Variants in WDR82 observed in about 807,000 individuals in gnomAD.
WDR82 encodes WD repeat domain 82, also known as WD repeat-containing protein 82.
In WDR82, 8 loss-of-function variants were observed where a neutral mutation model predicts 36.1. That is an observed-to-expected ratio of 0.22 (90% CI 0.13 to 0.40). The LOEUF is 0.40. WDR82 is among the 10% of genes least tolerant of loss of function. The pLI is 1.00. For missense variants in WDR82, 185 were observed against 400.5 expected, an observed-to-expected ratio of 0.46 and a Z score of 4.59; for synonymous variants, 129 against 137.8, an observed-to-expected ratio of 0.94 and a Z score of 0.45.
chr3:52,276,929 C>T (rs1218762887), intron 1 of WDR82, among the ~76,000 whole-genome samples: 2 of 151,520 alleles, frequency 1.3e-5, no homozygotes, highest in Non-Finnish European at 2.9e-5. Context: ...ACCATTATAG[C>T]TCAGTCCAAA....
At chr3:52,267,471 T>G (rs1370841861) in intron 2 of WDR82, 2 of 162,852 alleles carry the variant, frequency 1.2e-5, no homozygotes, top group Non-Finnish European at 2.7e-5. Flanking sequence ...GAAGATCAGG[T>G]TGAACCCTGG....
In WDR82 at chr3:52,260,444, A is replaced by G; in HGVS notation, c.484T>C (p.Phe162Leu). 6.3e-7 allele frequency: 1 copy of G among 1,594,672 alleles called. No homozygotes were observed. Among genetic ancestry groups the G allele is most frequent in the Non-Finnish European group, 8.5e-7 (1 of 1,173,380 alleles). The change falls in exon 5 of 9, where the codon TTC (phenylalanine) becomes CTC (leucine). Residue 162 changes from phenylalanine to leucine, a missense_variant. Coordinates refer to ENST00000296490, the MANE Select transcript of WDR82 (RefSeq NM_025222.4). Reference sequence around the variant, plus strand: ...ATTTCAGAGTTGACACCTGCAGCGAAAATTAACCCTTCTGGATCAAAAGAA... The same window carrying G: ...ATTTCAGAGTTGACACCTGCAGCGAGAATTAACCCTTCTGGATCAAAAGAA... Reference protein sequence around the residue: ...VCSFDPEGLIFAAGVNSEMVK... With the variant: ...VCSFDPEGLILAAGVNSEMVK...
At position 52,259,772 on chromosome 3, in the gene WDR82, C is replaced by G; in HGVS notation, c.644G>C (p.Gly215Ala). 6.2e-7 allele frequency: 1 copy of G among 1,614,036 alleles called. No individual in the cohort carries two copies. Among genetic ancestry groups the G allele is most frequent in the Admixed American group, 1.7e-5 (1 of 60,006 alleles). ...DGKLILISTN[G>A]SFIRLIDAFK... Reference sequence around the variant, plus strand: ...TGCATCAATCAGACGAATGAAGCTGCCGTTGGTGGAAATGAGGATGAGCTT... The same window carrying G: ...TGCATCAATCAGACGAATGAAGCTGGCGTTGGTGGAAATGAGGATGAGCTT... The change falls in exon 6 of 9, where the codon GGC becomes GCC. Residue 215 changes from glycine (G) to alanine (A), a missense_variant. Gly to Ala is a moderately conservative substitution (Grantham distance 60, BLOSUM62 0). Around this residue, in one of 3 missense-constraint regions of WDR82, gnomAD observed 110 missense variants for 212.6 expected, o/e 0.52. Coordinates refer to ENST00000296490, the MANE Select transcript of WDR82 (RefSeq NM_025222.4).
intron 6 of WDR82, 85 bp downstream of exon 6, chr3:52,259,632 T>C (rs967233139): frequency 4.0e-6 from 6 of 1,482,914 alleles, no homozygotes; most frequent in Non-Finnish European, 4.5e-6. Context: ...AGAGTAACTG[T>C]TGGTCTCCAC....
At chr3:52,276,663 G>T (rs1578013165) in intron 1 of WDR82, among the ~76,000 whole-genome samples, 1 of 151,944 alleles carries the variant, frequency 6.6e-6, no homozygotes. Flanking sequence ...ACTCCTCCAG[G>T]ACCCCACAAT....
At chr3:52,276,387 C>T (rs531535953) in intron 1 of WDR82, among the ~76,000 whole-genome samples, 2 of 151,664 alleles carry the variant, frequency 1.3e-5, no homozygotes, top group African/African-American at 4.8e-5. Context: ...GCCAAGATCG[C>T]GCCACTACAC....
chr3:52,277,065 AAATAATAAT>A (rs71084177), intron 1 of WDR82, among the ~76,000 whole-genome samples: 6,916 of 141,002 alleles, frequency 0.049, 214 homozygotes, highest in African/African-American at 0.061. Flanking sequence ...CCAAGATCTC[AAATAATAAT>A]AATAATAATA....
chr3:52,268,572 T>C (rs1370314340), intron 2 of WDR82, among the ~76,000 whole-genome samples: 1 of 152,190 alleles, frequency 6.6e-6, no homozygotes, highest in African/African-American at 2.4e-5. Flanking sequence ...GATGATCACA[T>C]AGACATGTTT....
Position 52,278,494 on chromosome 3 carries a change from T to C in WDR82, c.-133A>G. 1.4e-6 allele frequency: 1 copy of C among 739,790 alleles called. No homozygotes were observed. The highest frequency in any genetic ancestry group is 1.8e-6 in the Non-Finnish European group (1 of 544,922). 45.8% of individuals were successfully genotyped at this position (739,790 alleles called of 1,614,324 possible). ...GGCTAGCGGGAAGTCGGCCAACAGTTGGGCCGCCTCCTCCTCTTCTTCCTG... is the reference window on the plus strand; with the variant it reads ...GGCTAGCGGGAAGTCGGCCAACAGTCGGGCCGCCTCCTCCTCTTCTTCCTG... On this transcript the variant is annotated 5_prime_UTR_variant, in exon 1 of 9. Coordinates refer to ENST00000296490, the MANE Select transcript of WDR82 (RefSeq NM_025222.4).
Position 52,257,391 on chromosome 3 carries a change from C to A in WDR82, c.*99G>T, listed in dbSNP as rs1700019135. On this transcript the variant is annotated 3_prime_UTR_variant, in exon 9 of 9. Coordinates refer to ENST00000296490, the MANE Select transcript of WDR82 (RefSeq NM_025222.4). Reference sequence around the variant, plus strand: ...GGCCATGTAAAAGGATGTTCTCCAGCCCAGTCAAATGATCCAATCCCACTA... The same window carrying A: ...GGCCATGTAAAAGGATGTTCTCCAGACCAGTCAAATGATCCAATCCCACTA... 1.3e-6 allele frequency: 2 copies of A among 1,527,590 alleles called. No individual in the cohort carries two copies. Among genetic ancestry groups the A allele is most frequent in the Non-Finnish European group, 1.8e-6 (2 of 1,102,298 alleles). The allele number at this position is 1,527,590 out of a possible 1,614,324, so 94.6% of individuals were successfully genotyped here.
intron 3 of WDR82, among the ~76,000 whole-genome samples, chr3:52,266,109 A>C (rs1700103872): frequency 6.6e-6 from 1 of 152,226 alleles, no homozygotes; most frequent in Admixed American, 6.5e-5. Flanking sequence ...AGCAACCTGC[A>C]TTACAATACA....
At chr3:52,258,503 CT>C in intron 8 of WDR82, 32 bp downstream of exon 8, 2 of 1,612,194 alleles carry the variant, frequency 1.2e-6, no homozygotes, top group Non-Finnish European at 1.7e-6. Context: ...GGAAGGGTCC[CT>C]GAGTAGCAGA....
At chr3:52,272,257 T>C (rs1264115007) in intron 1 of WDR82, among the ~76,000 whole-genome samples, 1 of 152,020 alleles carries the variant, frequency 6.6e-6, no homozygotes, top group East Asian at 1.9e-4. Flanking sequence ...GTTAGAAAAA[T>C]TTTAGGCTGG....
At position 52,260,398 on chromosome 3, in the gene WDR82, C is replaced by T; in HGVS notation, c.530G>A (p.Arg177His). ...TCAAAGATTTACCTTATCAAAAGAA[C>T]GAAGGTCATAAAGCTTGACCATTTC... Reference protein sequence around the residue: ...NSEMVKLYDLRSFDKGPFATF... With the variant: ...NSEMVKLYDLHSFDKGPFATF... The change falls in exon 5 of 9, where the codon CGT (arginine) becomes CAT (histidine). Residue 177 changes from arginine (R) to histidine (H), a missense_variant. Arg to His is a conservative substitution (Grantham distance 29). This residue lies in a region of WDR82 where 110 missense variants were observed against 212.6 expected (regional missense o/e 0.52). Transcript: ENST00000296490. 5 of 1,562,052 alleles carry T rather than the reference C, an allele frequency of 3.2e-6. No homozygotes were observed. The highest frequency in any genetic ancestry group is 4.3e-6 in the Non-Finnish European group (5 of 1,161,956).
Position 52,278,253 on chromosome 3 carries a change from T to A in WDR82, c.109A>T (p.Ile37Phe). 6.2e-7 allele frequency: 1 copy of A among 1,610,956 alleles called. No homozygotes were observed. Among genetic ancestry groups the A allele is most frequent in the Non-Finnish European group, 8.5e-7 (1 of 1,178,756 alleles). ...ATGGAGTCGTCGTCGCTACTCGAGATGACCGTCTCGCCGTTGGGGCTGAAA... is the reference window on the plus strand; with the variant it reads ...ATGGAGTCGTCGTCGCTACTCGAGAAGACCGTCTCGCCGTTGGGGCTGAAA... ...FDFSPNGETV[I>F]SSSDDDSIVL... Residue 37 changes from isoleucine (I) to phenylalanine (F), a missense_variant, in exon 1 of 9, where the codon ATC becomes TTC. Coordinates refer to ENST00000296490, the MANE Select transcript of WDR82 (RefSeq NM_025222.4).
chr3:52,268,383 G>A (rs1700124645), intron 2 of WDR82: 1 of 471,366 alleles, frequency 2.1e-6, no homozygotes, highest in Admixed American at 2.4e-5. Context: ...AAAGGAAACG[G>A]AGCGCTGGAG....
chr3:52,268,659 T>C (rs1000388354), intron 2 of WDR82, among the ~76,000 whole-genome samples: 10 of 149,438 alleles, frequency 6.7e-5, no homozygotes, highest in African/African-American at 2.5e-4. Context: ...ACTTCTGAAA[T>C]ACAGGCATGA....
chr3:52,258,596 C>G lies in WDR82; in HGVS notation c.852G>C (p.Pro284=), dbSNP rs562861431. The change falls in exon 8 of 9, where the codon CCG becomes CCC. Residue 284 remains proline, a synonymous_variant. Transcript: ENST00000296490. Reference sequence around the variant, plus strand: ...TGGGGTTGAATTGCAAACAGGTAATCGGGCCTGTGTGTTTACCATCCAACA... The same window carrying G: ...TGGGGTTGAATTGCAAACAGGTAATGGGGCCTGTGTGTTTACCATCCAACA... ...VAVLDGKHTG[P]ITCLQFNPKF... The G allele has an allele frequency of 1.2e-6, 2 of 1,614,024 alleles. No homozygotes were observed. The highest frequency in any genetic ancestry group is 2.7e-5 in the African/African-American group (2 of 74,924).
Position 52,259,754 on chromosome 3 carries a change from A to G in WDR82, c.662T>C (p.Ile221Thr). ...CATCACCACTCCTTTGAATGCATCA[A>G]TCAGACGAATGAAGCTGCCGTTGGT... ...ISTNGSFIRL[I>T]DAFKGVVMHT... The change falls in exon 6 of 9, where the codon ATT becomes ACT. Residue 221 changes from isoleucine to threonine, a missense_variant. Around this residue, in one of 3 missense-constraint regions of WDR82, gnomAD observed 110 missense variants for 212.6 expected, o/e 0.52. Transcript: ENST00000296490. 6.2e-7 allele frequency: 1 copy of G among 1,614,088 alleles called. No individual in the cohort carries two copies. Among genetic ancestry groups the G allele is most frequent in the Non-Finnish European group, 8.5e-7 (1 of 1,179,966 alleles).
Sources: gnomAD v4.1 joint callset for allele counts (sites outside exome capture counted in the v4.1 genomes callset) on GRCh38, gnomAD v4.1.1 for gene constraint, gnomAD v4.1.1 regional missense constraint, MANE v1.5 for transcripts, NCBI Gene and HGNC (gene_info 2026-07-23, HGNC 2026-07-21) for gene names.